Variants in TBX5 observed in about 807,000 individuals in gnomAD.
The protein encoded by TBX5 is T-box transcription factor 5.
In TBX5, 8 loss-of-function variants were observed where a neutral mutation model predicts 51.1. The ratio of observed to expected loss-of-function variants is 0.16; its 90% confidence interval spans 0.09 to 0.28. The LOEUF is 0.28. TBX5 is among the 10% of genes least tolerant of loss of function. The probability of loss-of-function intolerance (pLI) is 1.00; values close to 1 mark genes in which losing one functional copy is unlikely to be tolerated. For missense variants in TBX5, 589 were observed against 671.7 expected (o/e 0.88, Z 1.36); for synonymous variants, 302 against 266.4 (o/e 1.13, Z -1.30).
At chr12:114,380,072 C>G (rs1870420914) in intron 7 of TBX5, among the ~76,000 whole-genome samples, 1 of 152,160 alleles carries the variant, frequency 6.6e-6, no homozygotes, top group Non-Finnish European at 1.5e-5. Context: ...TTGCCCACTT[C>G]TTCCTTGCTT....
chr12:114,385,443 G>C (rs1187407120), intron 7 of TBX5, 33 bp downstream of exon 7: 1 of 1,596,212 alleles, frequency 6.3e-7, no homozygotes. Context: ...GGGGTATGTG[G>C]GGAGGAGAAA....
intron 5 of TBX5, among the ~76,000 whole-genome samples, chr12:114,396,155 G>A (rs1565939896): frequency 6.6e-6 from 1 of 152,034 alleles, no homozygotes. Flanking sequence ...CGCGGCCGGG[G>A]GCGGGGGAGG....
intron 7 of TBX5, among the ~76,000 whole-genome samples, chr12:114,367,129 C>T (rs1316290715): frequency 6.7e-6 from 1 of 150,270 alleles, no homozygotes; most frequent in African/African-American, 2.5e-5. Flanking sequence ...ATCGTCATTA[C>T]TGTTATTGTT....
At chr12:114,360,284 C>T (rs141424972) in intron 8 of TBX5, among the ~76,000 whole-genome samples, 1,814 of 151,204 alleles carry the variant, frequency 0.012, 14 homozygotes, top group Non-Finnish European at 0.02. Flanking sequence ...TCACGCAACC[C>T]TACATGCTCA....
At chr12:114,361,998 C>T (rs1237567872) in intron 8 of TBX5, among the ~76,000 whole-genome samples, 1 of 152,052 alleles carries the variant, frequency 6.6e-6, no homozygotes, top group Non-Finnish European at 1.5e-5. Flanking sequence ...CAAGCTGGGC[C>T]ACTCACGAGC....
At chr12:114,369,919 A>T (rs1382301943) in intron 7 of TBX5, among the ~76,000 whole-genome samples, 2 of 152,060 alleles carry the variant, frequency 1.3e-5, no homozygotes, top group Admixed American at 1.3e-4. Context: ...CCTGGCAAGA[A>T]CCTCATTTCA....
chr12:114,396,973 CAG>C (rs1228857247), intron 5 of TBX5, among the ~76,000 whole-genome samples: 3 of 152,188 alleles, frequency 2.0e-5, no homozygotes, highest in East Asian at 3.9e-4. Flanking sequence ...GCAGGCTGCA[CAG>C]AGAGTGAATG....
rs758663811 is a variant in TBX5 at position 114,355,705 on chromosome 12, C to T, written c.1384G>A (p.Ala462Thr). ...CACTGCCTGACCACAGGCTGGTGGG[C>T]CACGGAGGTCTGGTGCTGGAACATT... is the stretch of plus-strand genomic sequence containing the variant. ...EGMFQHQTSV[A>T]HQPVVRQCGP... Residue 462 changes from alanine to threonine, a missense_variant, in exon 9 of 9, where the codon GCC becomes ACC. Ala to Thr is a moderately conservative substitution (Grantham distance 58). This residue lies in a region of TBX5 where 348 missense variants were observed against 360.4 expected (regional missense o/e 0.97). Coordinates refer to ENST00000405440, the MANE Select transcript of TBX5 (RefSeq NM_181486.4). 1.2e-6 allele frequency: 2 copies of T among 1,613,810 alleles called. No homozygotes were observed. Among genetic ancestry groups the T allele is most frequent in the South Asian group, 2.2e-5 (2 of 91,070 alleles).
chr12:114,399,769 CA>C lies in TBX5; in HGVS notation c.243-138del, dbSNP rs1015587405. The C allele has an allele frequency of 7.7e-5, 107 of 1,387,726 alleles. No homozygotes were observed. The Admixed American group carries it at 1.9e-3, about 25-fold the overall frequency. The allele number at this position is 1,387,726 out of a possible 1,614,324, so 86.0% of individuals were successfully genotyped here. On this transcript the variant is annotated intron_variant, in intron 3 of 8. Transcript: ENST00000405440. ...GAAACTAGCCCCGTTCCGCTCTCCG[CA>C]AGATCCATCCCGGGTTTCCCTTGAA...
At chr12:114,372,016 T>C (rs1195267222) in intron 7 of TBX5, among the ~76,000 whole-genome samples, 1 of 152,154 alleles carries the variant, frequency 6.6e-6, no homozygotes. Flanking sequence ...GACACAATGT[T>C]CTCACTTATA....
At chr12:114,390,589 GTC>G (rs1871098686) in intron 6 of TBX5, among the ~76,000 whole-genome samples, 1 of 152,166 alleles carries the variant, frequency 6.6e-6, no homozygotes, top group African/African-American at 2.4e-5. Flanking sequence ...TCTTAATTAT[GTC>G]TCTCTATTAA....
At chr12:114,389,080 C>G (rs1056199162) in intron 6 of TBX5, among the ~76,000 whole-genome samples, 2 of 151,870 alleles carry the variant, frequency 1.3e-5, no homozygotes, top group Admixed American at 6.6e-5. Context: ...AGGTGCCCAC[C>G]AACACACCTG....
intron 2 of TBX5, among the ~76,000 whole-genome samples, chr12:114,402,186 G>A (rs977281968): frequency 6.6e-6 from 1 of 152,160 alleles, no homozygotes; most frequent in Non-Finnish European, 1.5e-5. Flanking sequence ...AATGCCATCA[G>A]CACAAGGCTA....
At chr12:114,381,776 T>C (rs767827293) in intron 7 of TBX5, among the ~76,000 whole-genome samples, 7 of 152,144 alleles carry the variant, frequency 4.6e-5, no homozygotes, top group Non-Finnish European at 8.8e-5. Context: ...TCACTCTTTC[T>C]CCTTCCCCAA....
intron 7 of TBX5, among the ~76,000 whole-genome samples, chr12:114,369,318 C>A (rs552580545): frequency 6.6e-6 from 1 of 152,330 alleles, no homozygotes; most frequent in East Asian, 1.9e-4. Context: ...AAGGCCAAGT[C>A]CTGCTTTTGA....
At chr12:114,398,751 G>A in intron 4 of TBX5, 31 bp from the exon 5 acceptor site, 5 of 1,584,600 alleles carry the variant, frequency 3.2e-6, no homozygotes, top group Non-Finnish European at 4.3e-6. Flanking sequence ...CTAGAGGCCT[G>A]GCTCAGAGTC....
intron 7 of TBX5, among the ~76,000 whole-genome samples, chr12:114,375,112 T>A (rs1870119558): frequency 6.6e-6 from 1 of 152,184 alleles, no homozygotes; most frequent in Non-Finnish European, 1.5e-5. Flanking sequence ...GTGAGTTGAG[T>A]ACTAAGTAGA....
At chr12:114,365,839 A>C (rs11067081) in intron 8 of TBX5, among the ~76,000 whole-genome samples, 1 of 130,436 alleles carries the variant, frequency 7.7e-6, no homozygotes, top group African/African-American at 2.8e-5. Context: ...CAAAAAAAAA[A>C]AAAAAAGAAA....
chr12:114,382,752 G>A lies in TBX5; in HGVS notation c.755+2724C>T, dbSNP rs904444232. Among the ~76,000 whole-genome samples, 121 of 152,264 alleles carry A rather than the reference G, an allele frequency of 7.9e-4. 1 individual carries two copies. The highest frequency in any genetic ancestry group is 2.7e-3 in the African/African-American group (114 of 41,544). ...GCCAAGGTTGCAGTGAGCGGAGATCGTGCCACTGCACTCCAGCCTGGATGA... is the reference window on the plus strand; with the variant it reads ...GCCAAGGTTGCAGTGAGCGGAGATCATGCCACTGCACTCCAGCCTGGATGA... On this transcript the variant is annotated intron_variant, in intron 7 of 8. Transcript: ENST00000405440.
Sources: gnomAD v4.1 joint callset for allele counts (sites outside exome capture counted in the v4.1 genomes callset) on GRCh38, gnomAD v4.1.1 for gene constraint, gnomAD v4.1.1 regional missense constraint, MANE v1.5 for transcripts, NCBI Gene and HGNC (gene_info 2026-07-23, HGNC 2026-07-21) for gene names.